The following FAM171A1 variants were observed in gnomAD, a reference collection of about 807,000 sequenced individuals.
FAM171A1 encodes protein FAM171A1.
FAM171A1 carries 23 observed loss-of-function variants against 74.9 expected under a neutral mutation model. That is an observed-to-expected ratio of 0.31 (90% CI 0.22 to 0.44). The LOEUF is 0.44. Among genes scored for constraint, FAM171A1 ranks in the 20% least tolerant of loss-of-function variants. The pLI is 1.00. For synonymous variants in FAM171A1, 527 were observed against 505.7 expected (o/e 1.04, Z -0.57); for missense variants, 1,162 against 1,159.2 (o/e 1.00, Z -0.03).
chr10:15,326,781 T>C (rs2131853811), intron 1 of FAM171A1, among the ~76,000 whole-genome samples: 1 of 152,152 alleles, frequency 6.6e-6, no homozygotes, highest in South Asian at 2.1e-4. Context: ...GTGCCTGCCA[T>C]CATACCCAGC....
chr10:15,279,157 G>A (rs1207774294), intron 2 of FAM171A1, among the ~76,000 whole-genome samples: 1 of 152,180 alleles, frequency 6.6e-6, no homozygotes, highest in East Asian at 1.9e-4. Context: ...CCCCTGAGAG[G>A]TGTGTGACCA....
intron 5 of FAM171A1, among the ~76,000 whole-genome samples, chr10:15,229,821 A>C: frequency 8.6e-5 from 2 of 23,160 alleles, no homozygotes; most frequent in African/African-American, 4.2e-4. Context: ...CACCACCATC[A>C]CCATCATCAT....
At chr10:15,306,848 T>G (rs1195448720) in intron 1 of FAM171A1, among the ~76,000 whole-genome samples, 1 of 152,196 alleles carries the variant, frequency 6.6e-6, no homozygotes, top group African/African-American at 2.4e-5. Flanking sequence ...TTAGGTCCTA[T>G]CCACCTTCTC....
chr10:15,345,353 C>A (rs541173019), intron 1 of FAM171A1, among the ~76,000 whole-genome samples: 1 of 152,172 alleles, frequency 6.6e-6, no homozygotes, highest in Non-Finnish European at 1.5e-5. Flanking sequence ...GATCACTGTG[C>A]CGTTCCATAA....
At chr10:15,220,882 C>T in intron 6 of FAM171A1, 62 bp downstream of exon 6, 1 of 1,247,142 alleles carries the variant, frequency 8.0e-7, no homozygotes, top group Non-Finnish European at 1.2e-6. Flanking sequence ...GCATACTTAG[C>T]CTGAACCCTC....
At chr10:15,237,388 C>A (rs371607162) in intron 5 of FAM171A1, 2 of 152,134 alleles carry the variant, frequency 1.3e-5, no homozygotes, top group African/African-American at 4.8e-5. Context: ...TGGGGGGAGA[C>A]AAACACAAAA....
At chr10:15,278,916 T>C (rs1430445460) in intron 2 of FAM171A1, among the ~76,000 whole-genome samples, 2 of 152,144 alleles carry the variant, frequency 1.3e-5, no homozygotes, top group Non-Finnish European at 2.9e-5. Context: ...ACAGGGCACC[T>C]CCTGGCGAGG....
In FAM171A1 at chr10:15,267,032, G is replaced by A. The variant is rs574091345; in HGVS notation, c.418+8823C>T. 1.4e-3 allele frequency among the ~76,000 whole-genome samples: 213 copies of A among 152,312 alleles called. 1 individual carries two copies. The highest frequency in any genetic ancestry group is 3.0e-3 in the African/African-American group (123 of 41,566). On this transcript the variant is annotated intron_variant, in intron 3 of 7. Transcript: ENST00000378116. Reference sequence around the variant, plus strand: ...AGGTAGACCCAACGGGCAGTTTAGCGCACGGTGTGTTGGAGAGCAGAGACT... The same window carrying A: ...AGGTAGACCCAACGGGCAGTTTAGCACACGGTGTGTTGGAGAGCAGAGACT...
At chr10:15,235,262 A>G (rs1427141549) in intron 5 of FAM171A1, among the ~76,000 whole-genome samples, 2 of 132,212 alleles carry the variant, frequency 1.5e-5, no homozygotes, top group Non-Finnish European at 3.1e-5. Flanking sequence ...AGATTGCGCC[A>G]CTGCACTCCA....
At chr10:15,327,794 G>C (rs1251649350) in intron 1 of FAM171A1, among the ~76,000 whole-genome samples, 1 of 152,040 alleles carries the variant, frequency 6.6e-6, no homozygotes, top group East Asian at 1.9e-4. Flanking sequence ...GCAGGAAGGA[G>C]AGAATGGAAA....
chr10:15,307,526 A>G (rs551673537), intron 1 of FAM171A1, among the ~76,000 whole-genome samples: 1 of 151,776 alleles, frequency 6.6e-6, no homozygotes, highest in East Asian at 1.9e-4. Context: ...GGCTTCTGTA[A>G]TCCCAACTAC....
At chr10:15,241,474 C>T (rs1834363839) in intron 5 of FAM171A1, 2 of 152,152 alleles carry the variant, frequency 1.3e-5, no homozygotes, top group African/African-American at 2.4e-5. Context: ...AGTGCAAAAG[C>T]ACTCACAGAC....
At chr10:15,357,077 G>A (rs1255396693) in intron 1 of FAM171A1, among the ~76,000 whole-genome samples, 2 of 152,118 alleles carry the variant, frequency 1.3e-5, no homozygotes, top group Non-Finnish European at 2.9e-5. Flanking sequence ...TCAGGAGTTC[G>A]AGGCCAGTCT....
intron 3 of FAM171A1, among the ~76,000 whole-genome samples, chr10:15,266,866 CAAAAA>C (rs1156974565): frequency 9.0e-5 from 5 of 55,258 alleles, no homozygotes; most frequent in African/African-American, 3.3e-4. Flanking sequence ...GAGACTGTTT[CAAAAA>C]AAAAAAAAAA....
In FAM171A1 at chr10:15,214,370, G is replaced by A. The variant is rs576625397; in HGVS notation, c.1218C>T (p.Gly406=). 55 of 1,612,934 alleles carry A rather than the reference G, an allele frequency of 3.4e-5. No individual in the cohort carries two copies. The highest frequency in any genetic ancestry group is 1.9e-4 in the South Asian group (17 of 90,954). ...GVHLEMMSPG[G]EGDLHTPMLK... Reference sequence around the variant, plus strand: ...GCATGGGGGTGTGCAGGTCCCCTTCGCCGCCCGGAGACATCATTTCCAAAT... The same window carrying A: ...GCATGGGGGTGTGCAGGTCCCCTTCACCGCCCGGAGACATCATTTCCAAAT... The change falls in exon 8 of 8, where the codon GGC becomes GGT. Residue 406 remains glycine, a synonymous_variant. Transcript: ENST00000378116.
At chr10:15,245,784 A>C (rs75545878) in intron 5 of FAM171A1, among the ~76,000 whole-genome samples, 1,895 of 152,370 alleles carry the variant, frequency 0.012, 46 homozygotes, top group African/African-American at 0.042. Flanking sequence ...GGGGACAGGC[A>C]GACCATACAA....
At chr10:15,341,627 GA>G (rs1481455524) in intron 1 of FAM171A1, among the ~76,000 whole-genome samples, 4 of 152,198 alleles carry the variant, frequency 2.6e-5, no homozygotes, top group African/African-American at 9.6e-5. Context: ...GCAACAGGAA[GA>G]AAGTATCAGA....
intron 1 of FAM171A1, among the ~76,000 whole-genome samples, chr10:15,351,275 G>C (rs1023283852): frequency 6.6e-6 from 1 of 152,182 alleles, no homozygotes; most frequent in African/African-American, 2.4e-5. Flanking sequence ...AAGAGTCCCT[G>C]CGCAGGAATC....
rs201873537 is a variant in FAM171A1, at chr10:15,248,771, C to G, written c.622G>C (p.Val208Leu). ...HDLTPVTAVS[V>L]HLLSSNGTPV... Reference sequence around the variant, plus strand: ...GTTCCATTACTGCTCAGCAAGTGGACGCTGACGGCTGTGACTGGGGTCAGG... The same window carrying G: ...GTTCCATTACTGCTCAGCAAGTGGAGGCTGACGGCTGTGACTGGGGTCAGG... Residue 208 changes from valine (V) to leucine (L), a missense_variant, in exon 5 of 8, where the codon GTC becomes CTC. Val to Leu is a conservative substitution (Grantham distance 32). Transcript: ENST00000378116. The G allele has an allele frequency of 2.5e-6, 4 of 1,612,894 alleles. No homozygotes were observed. Among genetic ancestry groups the G allele is most frequent in the Non-Finnish European group, 1.7e-6 (2 of 1,179,444 alleles).
Sources: gnomAD v4.1 joint callset for allele counts (sites outside exome capture counted in the v4.1 genomes callset) on GRCh38, gnomAD v4.1.1 for gene constraint, MANE v1.5 for transcripts, NCBI Gene and HGNC (gene_info 2026-07-23, HGNC 2026-07-21) for gene names.